IQCJ: variants seen among roughly 807,000 people sequenced by gnomAD.
IQCJ encodes the protein IQ motif containing J.
Under a neutral mutation model 11.0 loss-of-function variants are expected in IQCJ, and 9 were observed. That is an observed-to-expected ratio of 0.82 (90% CI 0.49 to 1.43). The LOEUF is 1.43. Among genes scored for constraint, IQCJ ranks in the 40% most tolerant of loss-of-function variants. The pLI is 0.00. For synonymous variants in IQCJ, 55 were observed against 51.3 expected (o/e 1.07, Z -0.31); for missense variants, 146 against 133.2 (o/e 1.10, Z -0.47).
At chr3:159,207,140 G>A (rs1302721189) in intron 1 of IQCJ, among the ~76,000 whole-genome samples, 1 of 152,240 alleles carries the variant, frequency 6.6e-6, no homozygotes, top group South Asian at 2.1e-4. Flanking sequence ...ACTATACAAA[G>A]CTTCTGAGCC....
intron 1 of IQCJ, among the ~76,000 whole-genome samples, chr3:159,105,734 A>C (rs1305917894): frequency 6.6e-6 from 1 of 152,148 alleles, no homozygotes; most frequent in Non-Finnish European, 1.5e-5. Context: ...TGGTATAAGG[A>C]AGAACAAAGA....
intron 1 of IQCJ, among the ~76,000 whole-genome samples, chr3:159,107,563 T>G (rs1279779993): frequency 6.6e-6 from 1 of 152,228 alleles, no homozygotes; most frequent in African/African-American, 2.4e-5. Flanking sequence ...ATAATGAAGC[T>G]TCTGTCCAAT....
intron 1 of IQCJ, among the ~76,000 whole-genome samples, chr3:159,109,809 T>G (rs1392884696): frequency 1.3e-5 from 2 of 152,196 alleles, no homozygotes; most frequent in Admixed American, 6.5e-5. Flanking sequence ...TCTTAAGATG[T>G]TCCACTTCAG....
chr3:159,168,669 C>A (rs1577056677), intron 1 of IQCJ, among the ~76,000 whole-genome samples: 1 of 151,994 alleles, frequency 6.6e-6, no homozygotes, highest in Admixed American at 6.6e-5. Context: ...CATGTCTACC[C>A]CCCATTGTTA....
rs139602280 is a variant in IQCJ, at chr3:159,172,998, A to G, written c.10-72845A>G. Among the ~76,000 whole-genome samples the G allele has an allele frequency of 6.4e-3, 977 of 152,328 alleles. 2 individuals carry two copies. Among genetic ancestry groups the G allele is most frequent in the African/African-American group, 0.022 (921 of 41,572 alleles). On this transcript the variant is annotated intron_variant, in intron 1 of 3. Transcript: ENST00000397832. ...GATCAAATCCCAATGACTGGAAATC[A>G]AATGACTGGAAATATTATTTCAGGA...
intron 1 of IQCJ, among the ~76,000 whole-genome samples, chr3:159,094,053 T>C (rs1171260820): frequency 1.2e-4 from 18 of 151,802 alleles, no homozygotes; most frequent in Non-Finnish European, 1.5e-5. Flanking sequence ...AGGAACAGGG[T>C]TTGGGCCTCC....
chr3:159,092,557 G>A (rs997866079), intron 1 of IQCJ, among the ~76,000 whole-genome samples: 3 of 151,668 alleles, frequency 2.0e-5, no homozygotes, highest in Non-Finnish European at 4.4e-5. Context: ...AATTAGCCAG[G>A]CGTGGTGACA....
chr3:159,095,508 T>TC (rs1175504910), intron 1 of IQCJ, among the ~76,000 whole-genome samples: 1 of 107,708 alleles, frequency 9.3e-6, no homozygotes, highest in African/African-American at 3.7e-5. Context: ...ATGCTATCCC[T>TC]CCCCCCTCCC....
chr3:159,257,697 T>C (rs1389670851), intron 3 of IQCJ, among the ~76,000 whole-genome samples: 2 of 152,206 alleles, frequency 1.3e-5, no homozygotes, highest in African/African-American at 4.8e-5. Context: ...TAACAAATGA[T>C]GCAAATATGA....
chr3:159,250,576 G>A (rs138697299), intron 2 of IQCJ, among the ~76,000 whole-genome samples: 257 of 152,204 alleles, frequency 1.7e-3, no homozygotes, highest in African/African-American at 6.0e-3. Flanking sequence ...TTGCAATCTC[G>A]GCAGAAGGCA....
chr3:159,244,252 C>T (rs76999734), intron 1 of IQCJ, among the ~76,000 whole-genome samples: 5,046 of 152,140 alleles, frequency 0.033, 260 homozygotes, highest in African/African-American at 0.12. Flanking sequence ...GGCTGAGATC[C>T]CCTGAAGAGT....
intron 1 of IQCJ, among the ~76,000 whole-genome samples, chr3:159,079,762 C>A (rs886962749): frequency 6.6e-6 from 1 of 151,952 alleles, no homozygotes; most frequent in Non-Finnish European, 1.5e-5. Context: ...AGTATTTGAT[C>A]GGGTAGACAT....
At chr3:159,103,232 T>C (rs1718041953) in intron 1 of IQCJ, among the ~76,000 whole-genome samples, 1 of 152,254 alleles carries the variant, frequency 6.6e-6, no homozygotes. Flanking sequence ...CTCTCAGTTG[T>C]AAAACGTATA....
At chr3:159,236,285 A>AAC (rs542398852) in intron 1 of IQCJ, among the ~76,000 whole-genome samples, 220 of 151,942 alleles carry the variant, frequency 1.4e-3, no homozygotes, top group African/African-American at 5.2e-3. Context: ...AAAAAAAAAA[A>AAC]ACCAAGGAAT....
Position 159,161,259 on chromosome 3 carries a change from T to A in IQCJ, c.10-84584T>A, listed in dbSNP as rs560941622. Among the ~76,000 whole-genome samples, 34 of 152,362 alleles carry A rather than the reference T, an allele frequency of 2.2e-4. No homozygotes were observed. The South Asian group carries it at 5.2e-3, about 23-fold the overall frequency. ...GATGGTATGTCATTGTGGTTTTGAT[T>A]TGCATTTCTCTGATGGCCAGTGATG... On this transcript the variant is annotated intron_variant, in intron 1 of 3. Coordinates refer to ENST00000397832, the MANE Select transcript of IQCJ (RefSeq NM_001042706.3).
intron 1 of IQCJ, among the ~76,000 whole-genome samples, chr3:159,238,361 G>GGGAAGAA: frequency 6.6e-6 from 1 of 152,296 alleles, no homozygotes; most frequent in Non-Finnish European, 1.5e-5. Flanking sequence ...CTCAGACACA[G>GGGAAGAA]GGAAGAATGG....
In IQCJ at chr3:159,185,534, A is replaced by G. The variant is rs561831895; in HGVS notation, c.10-60309A>G. On this transcript the variant is annotated intron_variant, in intron 1 of 3. Transcript: ENST00000397832. Reference sequence around the variant, plus strand: ...AATTATTTTAAAACTTAACAATTCAAAACAGAAAACTATTATTATCTCATA... The same window carrying G: ...AATTATTTTAAAACTTAACAATTCAGAACAGAAAACTATTATTATCTCATA... Among the ~76,000 whole-genome samples the G allele has an allele frequency of 1.6e-4, 24 of 152,280 alleles. 1 individual carries two copies. The South Asian group carries it at 5.0e-3, about 32-fold the overall frequency.
At chr3:159,235,437 C>T (rs2108164810) in intron 1 of IQCJ, among the ~76,000 whole-genome samples, 1 of 152,232 alleles carries the variant, frequency 6.6e-6, no homozygotes, top group East Asian at 1.9e-4. Flanking sequence ...AGACCATGTA[C>T]TACTTATGGA....
chr3:159,120,900 A>G (rs1248679559), intron 1 of IQCJ, among the ~76,000 whole-genome samples: 1 of 151,924 alleles, frequency 6.6e-6, no homozygotes, highest in African/African-American at 2.4e-5. Context: ...GTTTATATTC[A>G]TTGTGCCCAG....
Sources: gnomAD v4.1 joint callset for allele counts (sites outside exome capture counted in the v4.1 genomes callset) on GRCh38, gnomAD v4.1.1 for gene constraint, MANE v1.5 for transcripts, NCBI Gene and HGNC (gene_info 2026-07-23, HGNC 2026-07-21) for gene names.